The following GRM5 variants were observed in gnomAD, a reference collection of about 807,000 sequenced individuals.
The protein encoded by GRM5 is glutamate metabotropic receptor 5, also known as metabotropic glutamate receptor 5.
In GRM5, 19 loss-of-function variants were observed where a neutral mutation model predicts 83.1. That is an observed-to-expected ratio of 0.23 (90% CI 0.16 to 0.34). The LOEUF is 0.34. Among genes scored for constraint, GRM5 ranks in the 10% least tolerant of loss-of-function variants. GRM5 has a pLI of 1.00. For missense variants in GRM5, 1,160 were observed against 1,588.3 expected (o/e 0.73, Z 4.58); for synonymous variants, 675 against 633.6 (o/e 1.07, Z -0.98).
Position 88,509,167 on chromosome 11 carries a change from T to C in GRM5, c.3064A>G (p.Ile1022Val), listed in dbSNP as rs202188959. Reference protein sequence around the residue: ...APARPRSPSPISTLSHRAGSA... With the variant: ...APARPRSPSPVSTLSHRAGSA... ...CCCGCGCGGTGGCTCAGCGTGCTGA[T>C]GGGCGACGGTGAGCGCGGCCGCGCG... Residue 1022 changes from isoleucine to valine, a missense_variant, in exon 10 of 10, where the codon ATC (isoleucine) becomes GTC (valine). Ile to Val is a conservative substitution (Grantham distance 29, BLOSUM62 3). This residue lies in a region of GRM5 where 562 missense variants were observed against 532.4 expected (regional missense o/e 1.06). Transcript: ENST00000305447. 74 of 1,537,034 alleles carry C rather than the reference T, an allele frequency of 4.8e-5. No homozygotes were observed. Among genetic ancestry groups the C allele is most frequent in the South Asian group, 4.6e-4 (38 of 83,330 alleles).
intron 2 of GRM5, among the ~76,000 whole-genome samples, chr11:89,015,672 T>C (rs1158550563): frequency 6.6e-6 from 1 of 152,318 alleles, no homozygotes; most frequent in Admixed American, 6.5e-5. Context: ...TAAATACCAT[T>C]TTCCAGGAAG....
chr11:88,808,523 G>C (rs1943536561), intron 3 of GRM5, among the ~76,000 whole-genome samples: 1 of 151,926 alleles, frequency 6.6e-6, no homozygotes, highest in South Asian at 2.1e-4. Context: ...AAATAGCATG[G>C]ATTTGTGAAA....
At chr11:88,913,929 T>A (rs1945546917) in intron 2 of GRM5, among the ~76,000 whole-genome samples, 2 of 152,152 alleles carry the variant, frequency 1.3e-5, no homozygotes, top group South Asian at 4.1e-4. Flanking sequence ...TCTCTCCTTG[T>A]TCCTTCAGCC....
chr11:88,561,973 TG>T (rs1942767143), intron 8 of GRM5, among the ~76,000 whole-genome samples: 1 of 152,092 alleles, frequency 6.6e-6, no homozygotes, highest in Non-Finnish European at 1.5e-5. Flanking sequence ...GGTGGAAATT[TG>T]CTTCGTCTAG....
chr11:88,965,547 A>G (rs1487872298), intron 2 of GRM5, among the ~76,000 whole-genome samples: 3 of 152,174 alleles, frequency 2.0e-5, no homozygotes, highest in Non-Finnish European at 4.4e-5. Flanking sequence ...ATGTATGATA[A>G]AAGTAAAAGG....
chr11:88,737,103 G>A (rs1941930028), intron 3 of GRM5, among the ~76,000 whole-genome samples: 1 of 152,068 alleles, frequency 6.6e-6, no homozygotes, highest in Non-Finnish European at 1.5e-5. Context: ...ACTGTGTTGA[G>A]ACCTAGGTGT....
At chr11:88,794,864 A>G (rs1943245679) in intron 3 of GRM5, among the ~76,000 whole-genome samples, 1 of 152,216 alleles carries the variant, frequency 6.6e-6, no homozygotes, top group Non-Finnish European at 1.5e-5. Context: ...ATAGCATCCA[A>G]TGTTCTTCAT....
At position 88,825,342 on chromosome 11, in the gene GRM5, C is replaced by G. The variant is rs1268177535; in HGVS notation, c.911+24564G>C. Among the ~76,000 whole-genome samples the G allele has an allele frequency of 2.6e-5, 4 of 152,062 alleles. No individual in the cohort carries two copies. In the East Asian group the frequency reaches 7.7e-4, roughly 29 times the overall value. ...CTCAAATAAGATTGAAACAGTTTTGCTATTTCATCCATATTATCAGTTGCC... is the reference window on the plus strand; with the variant it reads ...CTCAAATAAGATTGAAACAGTTTTGGTATTTCATCCATATTATCAGTTGCC... On this transcript the variant is annotated intron_variant, in intron 3 of 9. Coordinates refer to ENST00000305447, the MANE Select transcript of GRM5 (RefSeq NM_001143831.3).
chr11:88,699,733 T>C (rs1940984537), intron 3 of GRM5, among the ~76,000 whole-genome samples: 1 of 80,532 alleles, frequency 1.2e-5, no homozygotes, highest in Admixed American at 1.5e-4. Flanking sequence ...TAGTAGACAC[T>C]AATTTGCTGC....
chr11:88,653,371 T>C lies in GRM5; in HGVS notation c.944A>G (p.Asp315Gly), dbSNP rs1215255105. ...ACCAACAGCTTCTCGCTGATATCCA[T>C]CTGTCACATCATACCTGTCAGCCCA... The part of the protein sequence containing the change: ...DGWADRYDVT[D>G]GYQREAVGGI... The change falls in exon 4 of 10, where the codon GAT becomes GGT. Residue 315 changes from aspartate to glycine, a missense_variant. Physicochemically the swap from Asp to Gly is moderately conservative, Grantham distance 94 (BLOSUM62 -1). This residue lies in a region of GRM5 where 84 missense variants were observed against 231.0 expected (regional missense o/e 0.36). Transcript: ENST00000305447. 2 of 1,612,760 alleles carry C rather than the reference T, an allele frequency of 1.2e-6. No individual in the cohort carries two copies. The highest frequency in any genetic ancestry group is 1.7e-6 in the Non-Finnish European group (2 of 1,179,110).
At chr11:89,044,435 G>A (rs1382906206) in intron 2 of GRM5, among the ~76,000 whole-genome samples, 3 of 152,216 alleles carry the variant, frequency 2.0e-5, no homozygotes, top group Admixed American at 1.3e-4. Flanking sequence ...GATTAACATC[G>A]AAGCTGAAAC....
chr11:88,960,578 T>C (rs1211463259), intron 2 of GRM5, among the ~76,000 whole-genome samples: 2 of 152,158 alleles, frequency 1.3e-5, no homozygotes, highest in Non-Finnish European at 2.9e-5. Context: ...TTAGATAGTC[T>C]TAAGAATAGA....
intron 5 of GRM5, among the ~76,000 whole-genome samples, chr11:88,598,044 A>G: frequency 6.6e-6 from 1 of 152,134 alleles, no homozygotes; most frequent in Non-Finnish European, 1.5e-5. Flanking sequence ...TCTTATAAGT[A>G]AGCTCATTTC....
At chr11:89,038,499 G>C (rs1213191016) in intron 2 of GRM5, among the ~76,000 whole-genome samples, 1 of 152,148 alleles carries the variant, frequency 6.6e-6, no homozygotes, top group Non-Finnish European at 1.5e-5. Context: ...GCCTGTGATG[G>C]AGATGTAAAT....
intron 3 of GRM5, among the ~76,000 whole-genome samples, chr11:88,746,575 A>AG (rs1351125007): frequency 1.3e-5 from 2 of 152,094 alleles, no homozygotes; most frequent in East Asian, 3.9e-4. Context: ...GGAGACAAAA[A>AG]AAAAAAAATA....
rs114850728 is a variant in GRM5 at position 88,587,390 on chromosome 11, C to G, written c.1690+3211G>C. On this transcript the variant is annotated intron_variant, in intron 7 of 9. Transcript: ENST00000305447. ...AGCATTCTGTGTGGATGAGAATTATCAGCAGTCTTTGACAACAGAATGTAA... is the reference window on the plus strand; with the variant it reads ...AGCATTCTGTGTGGATGAGAATTATGAGCAGTCTTTGACAACAGAATGTAA... 7.3e-3 allele frequency among the ~76,000 whole-genome samples: 1,116 copies of G among 152,166 alleles called. 11 individuals carry two copies. Among genetic ancestry groups the G allele is most frequent in the African/African-American group, 0.026 (1,078 of 41,504 alleles).
At chr11:88,521,639 G>A (rs1247286503) in intron 9 of GRM5, among the ~76,000 whole-genome samples, 1 of 152,006 alleles carries the variant, frequency 6.6e-6, no homozygotes. Context: ...GGAGGATTCT[G>A]CTCTGAATCA....
intron 3 of GRM5, among the ~76,000 whole-genome samples, chr11:88,758,402 A>G (rs1942441054): frequency 6.6e-6 from 1 of 152,208 alleles, no homozygotes; most frequent in Non-Finnish European, 1.5e-5. Flanking sequence ...AACCCAATAG[A>G]CGTGGAAGAC....
chr11:88,591,961 T>A (rs1937649241), intron 6 of GRM5, among the ~76,000 whole-genome samples: 1 of 152,214 alleles, frequency 6.6e-6, no homozygotes, highest in South Asian at 2.1e-4. Context: ...TTTTTTTCAT[T>A]TTCTTAGGGG....
Sources: gnomAD v4.1 joint callset for allele counts (sites outside exome capture counted in the v4.1 genomes callset) on GRCh38, gnomAD v4.1.1 for gene constraint, gnomAD v4.1.1 regional missense constraint, MANE v1.5 for transcripts, NCBI Gene and HGNC (gene_info 2026-07-23, HGNC 2026-07-21) for gene names.